IL17RC: variants seen among roughly 807,000 people sequenced by gnomAD.
IL17RC encodes the protein interleukin 17 receptor C, also known as interleukin-17 receptor C.
In IL17RC, 53 loss-of-function variants were observed where a neutral mutation model predicts 86.7. The ratio of observed to expected loss-of-function variants is 0.61; its 90% CI spans 0.49 to 0.77. The LOEUF (loss-of-function observed/expected upper bound fraction) is 0.77, where lower values mean the gene tolerates loss of function less well. IL17RC is among the 30% of genes least tolerant of loss of function. The pLI is 0.00. For synonymous variants in IL17RC, 439 were observed against 413.1 expected, an observed-to-expected ratio of 1.06 and a Z score of -0.76; for missense variants, 957 against 940.0, an observed-to-expected ratio of 1.02 and a Z score of -0.24.
intron 9 of IL17RC, 70 bp downstream of exon 9, chr3:9,924,361 C>T (rs372665854): frequency 6.9e-7 from 1 of 1,459,562 alleles, no homozygotes; most frequent in Non-Finnish European, 9.6e-7. Context: ...TCCCTGCCTT[C>T]CTGGTCTCAC....
At chr3:9,927,637 C>G (rs2084210910) in intron 9 of IL17RC, among the ~76,000 whole-genome samples, 1 of 151,940 alleles carries the variant, frequency 6.6e-6, no homozygotes, top group South Asian at 2.1e-4. Context: ...ATGGTAGGCA[C>G]TCATTAAAAG....
intron 12 of IL17RC, chr3:9,929,505 T>C: frequency 3.0e-6 from 1 of 334,000 alleles, no homozygotes; most frequent in Non-Finnish European, 5.6e-6. Context: ...TGCATACAAA[T>C]ACCATGGGAA....
Position 9,930,294 on chromosome 3 carries a change from A to C in IL17RC, c.1279-106A>C. ...GGGCCATATTCAGCGGCATCACCAA[A>C]GTCTCCCAGTCCCCTCTACCTCATT... On this transcript the variant is annotated intron_variant, in intron 14 of 18. Coordinates refer to ENST00000403601, the MANE Select transcript of IL17RC (RefSeq NM_153460.4). This position sits in a 1 kb window ranked among gnomAD's most constrained non-coding sequence, Gnocchi z 5.8. 6.6e-7 allele frequency: 1 copy of C among 1,525,482 alleles called. No homozygotes were observed. The highest frequency in any genetic ancestry group is 9.0e-7 in the Non-Finnish European group (1 of 1,106,834). 94.5% of individuals were successfully genotyped at this position (1,525,482 alleles called of 1,614,324 possible).
At chr3:9,917,500 T>A in intron 1 of IL17RC, 80 bp downstream of exon 1, 1 of 1,614,162 alleles carries the variant, frequency 6.2e-7, no homozygotes, top group Non-Finnish European at 8.5e-7. Context: ...CTGGCTCCTG[T>A]CACTGCTGCC....
At chr3:9,918,171 C>G in intron 3 of IL17RC, 96 bp downstream of exon 3, 17 of 1,398,890 alleles carry the variant, frequency 1.2e-5, no homozygotes, top group Non-Finnish European at 1.7e-5. Flanking sequence ...GCTAGGCATC[C>G]TCAGTGTTCT....
chr3:9,929,800 C>G, intron 12 of IL17RC, 52 bp from the exon 13 acceptor site: 1 of 1,607,658 alleles, frequency 6.2e-7, no homozygotes, highest in Non-Finnish European at 8.5e-7. Context: ...GGTCTTTCTG[C>G]CTTTGGCTTT....
chr3:9,924,059 G>A (rs953809914), intron 8 of IL17RC, 39 bp downstream of exon 8: 5 of 1,611,670 alleles, frequency 3.1e-6, no homozygotes, highest in African/African-American at 2.7e-5. Flanking sequence ...CCCACTGTAG[G>A]CCGATGCCTG....
Position 9,928,589 on chromosome 3 carries a change from G to C in IL17RC, c.1069G>C (p.Glu357Gln), listed in dbSNP as rs368679093. 2 of 1,613,686 alleles carry C rather than the reference G, an allele frequency of 1.2e-6. No individual in the cohort carries two copies. The highest frequency in any genetic ancestry group is 2.2e-5 in the South Asian group (2 of 91,086). Residue 357 changes from glutamate (E) to glutamine (Q), a missense_variant, in exon 12 of 19, where the codon GAG becomes CAG. Physicochemically the swap from Glu to Gln is conservative, Grantham distance 29 (BLOSUM62 2). Coordinates refer to ENST00000403601, the MANE Select transcript of IL17RC (RefSeq NM_153460.4). ...TCCTCTCTTTCCACAGAAGGTTCTC[G>C]AGTTCCCATTGCTGAAAGGCCACCC... ...WENVTVDKVLEFPLLKGHPNL... is the reference protein window; with the variant it reads ...WENVTVDKVLQFPLLKGHPNL...
intron 12 of IL17RC, 156 bp from the exon 13 acceptor site, chr3:9,929,696 T>C (rs1274922347): frequency 7.8e-6 from 6 of 773,460 alleles, no homozygotes; most frequent in Non-Finnish European, 1.4e-5. Context: ...GATGTAGTGA[T>C]TCCTAATCAC....
In IL17RC at chr3:9,923,919, G is replaced by T; in HGVS notation, c.661G>T (p.Val221Leu). ...WLNVSADGDN[V>L]HLVLNVSEEQ... ...CAACGTGTCAGCAGATGGTGACAAC[G>T]TGCATCTGGTTCTGAATGTCTCTGA... Residue 221 changes from valine to leucine, a missense_variant, in exon 8 of 19, where the codon GTG becomes TTG. Transcript: ENST00000403601. The T allele has an allele frequency of 2.5e-6, 4 of 1,614,156 alleles. No homozygotes were observed. Among genetic ancestry groups the T allele is most frequent in the Non-Finnish European group, 3.4e-6 (4 of 1,180,044 alleles).
In IL17RC at chr3:9,933,438, C is replaced by T. The variant is rs1477967348; in HGVS notation, c.2008C>T (p.Arg670Cys). ...PDFLGALQQP[R>C]APRSGRLQER... Reference sequence around the variant, plus strand: ...CTTCCTGGGGGCCCTGCAGCAGCCTCGCGCCCCGCGTTCCGGGCGGCTCCA... The same window carrying T: ...CTTCCTGGGGGCCCTGCAGCAGCCTTGCGCCCCGCGTTCCGGGCGGCTCCA... Residue 670 changes from arginine to cysteine, a missense_variant, in exon 19 of 19, where the codon CGC (arginine) becomes TGC (cysteine). Physicochemically the swap from Arg to Cys is radical, Grantham distance 180. Coordinates refer to ENST00000403601, the MANE Select transcript of IL17RC (RefSeq NM_153460.4). 2 of 1,613,168 alleles carry T rather than the reference C, an allele frequency of 1.2e-6. No individual in the cohort carries two copies. The highest frequency in any genetic ancestry group is 8.5e-7 in the Non-Finnish European group (1 of 1,179,824).
chr3:9,930,503 A>G lies in IL17RC; in HGVS notation c.1338+44A>G. 1 of 1,584,202 alleles carries G rather than the reference A, an allele frequency of 6.3e-7. No homozygotes were observed. Among genetic ancestry groups the G allele is most frequent in the Non-Finnish European group, 8.7e-7 (1 of 1,154,152 alleles). On this transcript the variant is annotated intron_variant, in intron 15 of 18. Coordinates refer to ENST00000403601, the MANE Select transcript of IL17RC (RefSeq NM_153460.4). This position sits in a 1 kb window ranked among gnomAD's most constrained non-coding sequence, Gnocchi z 5.8. Reference sequence around the variant, plus strand: ...GGCCCCACCTCAATGCCTAGGGGCAACAGGCCTAAAACTAGCACTCACCTA... The same window carrying G: ...GGCCCCACCTCAATGCCTAGGGGCAGCAGGCCTAAAACTAGCACTCACCTA...
At chr3:9,921,789 T>TA (rs2083586112) in intron 7 of IL17RC, among the ~76,000 whole-genome samples, 1 of 149,078 alleles carries the variant, frequency 6.7e-6, no homozygotes, top group Non-Finnish European at 1.5e-5. Context: ...CACGCCTGGC[T>TA]AATTTTTTTT....
At chr3:9,924,165 C>A in intron 8 of IL17RC, 67 bp from the exon 9 acceptor site, 8 of 1,609,918 alleles carry the variant, frequency 5.0e-6, no homozygotes, top group Non-Finnish European at 6.8e-6. Flanking sequence ...TTCCTGGTTT[C>A]CTTGACTTTG....
At chr3:9,932,778 C>A in intron 17 of IL17RC, 42 bp from the exon 18 acceptor site, 1 of 1,583,774 alleles carries the variant, frequency 6.3e-7, no homozygotes. Flanking sequence ...GGGAAAGCGG[C>A]GGCCGAGCTC....
Position 9,930,450 on chromosome 3 carries a change from G to A in IL17RC, c.1329G>A (p.Gln443=). Residue 443 remains glutamine, a synonymous_variant, in exon 15 of 19, where the codon CAG becomes CAA. Transcript: ENST00000403601. The surrounding 1 kb of genome is among the most constrained non-coding windows in gnomAD (Gnocchi z 5.8). ...TACTACAAGACCTGCAGTCAGGCCA[G>A]TGTCTGCAGGTGAGCTGGTGGAAGA... is the stretch of plus-strand genomic sequence containing the variant. ...EYLLQDLQSG[Q]CLQLWDDDLG... 2 of 1,613,996 alleles carry A rather than the reference G, an allele frequency of 1.2e-6. No individual in the cohort carries two copies. The highest frequency in any genetic ancestry group is 2.2e-5 in the South Asian group (2 of 91,080).
Position 9,928,580 on chromosome 3 carries a change from A to G in IL17RC, c.1060A>G (p.Lys354Glu), listed in dbSNP as rs563544955. The part of the protein sequence containing the change: ...PLSWENVTVD[K>E]VLEFPLLKGH... ...CCCACCCATTCCTCTCTTTCCACAG[A>G]AGGTTCTCGAGTTCCCATTGCTGAA... Residue 354 changes from lysine to glutamate, a missense_variant and splice_region_variant, in exon 12 of 19, where the codon AAG becomes GAG. Physicochemically the swap from Lys to Glu is moderately conservative, Grantham distance 56. Transcript: ENST00000403601. The G allele has an allele frequency of 3.7e-6, 6 of 1,613,772 alleles. 1 individual carries two copies. In the African/African-American group the frequency reaches 8.0e-5, roughly 22 times the overall value.
In IL17RC at chr3:9,933,570, C is replaced by T; in HGVS notation, c.2140C>T (p.Pro714Ser). The change falls in exon 19 of 19, where the codon CCT (proline) becomes TCT (serine). Residue 714 changes from proline to serine, a missense_variant. Pro to Ser is a moderately conservative substitution (Grantham distance 74). Coordinates refer to ENST00000403601, the MANE Select transcript of IL17RC (RefSeq NM_153460.4). Reference sequence around the variant, plus strand: ...ACGCGGGGTGGGACCAGGCGCGGGACCTGGGGCGGGGGACGGGACTTAAAT... The same window carrying T: ...ACGCGGGGTGGGACCAGGCGCGGGATCTGGGGCGGGGGACGGGACTTAAAT... ...PGRGVGPGAG[P>S]GAGDGT The T allele has an allele frequency of 6.2e-7, 1 of 1,601,538 alleles. No homozygotes were observed. Among genetic ancestry groups the T allele is most frequent in the Non-Finnish European group, 8.5e-7 (1 of 1,174,574 alleles).
chr3:9,924,422 T>G, intron 9 of IL17RC, 131 bp downstream of exon 9: 2 of 868,268 alleles, frequency 2.3e-6, no homozygotes, highest in East Asian at 5.2e-5. Context: ...CTGGGGTGGC[T>G]GGCCCTCCCT....
Sources: gnomAD v4.1 joint callset for allele counts (sites outside exome capture counted in the v4.1 genomes callset) on GRCh38, gnomAD v4.1.1 for gene constraint, Gnocchi (gnomAD v3.1) non-coding constraint, MANE v1.5 for transcripts, NCBI Gene and HGNC (gene_info 2026-07-23, HGNC 2026-07-21) for gene names.